NALF1: variants seen among roughly 807,000 people sequenced by gnomAD.
NALF1 encodes NALCN channel auxiliary factor 1.
Under a neutral mutation model 48.4 loss-of-function variants are expected in NALF1, and 3 were observed. The observed-to-expected ratio is 0.06, with a 90% CI of 0.03 to 0.16. The LOEUF (loss-of-function observed/expected upper bound fraction) is 0.16, where lower values mean the gene tolerates loss of function less well. Among genes scored for constraint, NALF1 ranks in the 10% least tolerant of loss-of-function variants. The pLI is 1.00. For missense variants in NALF1, 526 were observed against 571.5 expected (o/e 0.92, Z 0.81); for synonymous variants, 262 against 245.7 (o/e 1.07, Z -0.62).
intron 1 of NALF1, among the ~76,000 whole-genome samples, chr13:107,342,245 A>G (rs1427452691): frequency 1.3e-5 from 2 of 152,232 alleles, no homozygotes; most frequent in Admixed American, 1.3e-4. Flanking sequence ...GAGCTAATGG[A>G]GACAATTCAA....
chr13:107,408,658 A>G (rs1313900988), intron 1 of NALF1, among the ~76,000 whole-genome samples: 3 of 152,116 alleles, frequency 2.0e-5, no homozygotes, highest in African/African-American at 4.8e-5. Flanking sequence ...ACAGATGACA[A>G]TCATCAGCTT....
intron 1 of NALF1, among the ~76,000 whole-genome samples, chr13:107,233,607 A>G (rs756693573): frequency 7.9e-5 from 12 of 152,174 alleles, no homozygotes; most frequent in Admixed American, 2.0e-4. Flanking sequence ...ATTTTGGGGG[A>G]AAAAGAGGAA....
intron 1 of NALF1, among the ~76,000 whole-genome samples, chr13:107,627,139 A>G (rs1209994139): frequency 6.6e-6 from 1 of 152,020 alleles, no homozygotes; most frequent in Non-Finnish European, 1.5e-5. Flanking sequence ...TTCTAACCCA[A>G]TTGATTTAGA....
intron 1 of NALF1, among the ~76,000 whole-genome samples, chr13:107,596,366 G>A (rs116216892): frequency 0.023 from 3,570 of 152,170 alleles, 121 homozygotes; most frequent in African/African-American, 0.079. Flanking sequence ...AAAGACACAC[G>A]CACACATACG....
chr13:107,442,297 C>T lies in NALF1; in HGVS notation c.916-231542G>A, dbSNP rs565256465. On this transcript the variant is annotated intron_variant, in intron 1 of 2. Coordinates refer to ENST00000375915, the MANE Select transcript of NALF1 (RefSeq NM_001080396.3). Reference sequence around the variant, plus strand: ...TTAGAATTCAGACAGTAATTTTGTCCATTTTGTTCACTGCTATATACAAGC... The same window carrying T: ...TTAGAATTCAGACAGTAATTTTGTCTATTTTGTTCACTGCTATATACAAGC... 2.6e-5 allele frequency among the ~76,000 whole-genome samples: 4 copies of T among 152,208 alleles called. No individual in the cohort carries two copies. In the South Asian group the frequency reaches 8.3e-4, roughly 32 times the overall value.
intron 1 of NALF1, among the ~76,000 whole-genome samples, chr13:107,841,906 T>A (rs1880052555): frequency 6.6e-6 from 1 of 151,960 alleles, no homozygotes; most frequent in African/African-American, 2.4e-5. Context: ...CTATATATAA[T>A]TACTATTATT....
chr13:107,579,710 ATG>A (rs1878250258), intron 1 of NALF1, among the ~76,000 whole-genome samples: 1 of 148,926 alleles, frequency 6.7e-6, no homozygotes, highest in African/African-American at 2.5e-5. Context: ...TTTAGGGTAC[ATG>A]TGCACAATGT....
intron 1 of NALF1, among the ~76,000 whole-genome samples, chr13:107,651,517 A>G (rs1880451434): frequency 6.6e-6 from 1 of 152,234 alleles, no homozygotes; most frequent in African/African-American, 2.4e-5. Context: ...TATTAAGATC[A>G]TAATGCTGTT....
Position 107,772,818 on chromosome 13 carries a change from G to T in NALF1, c.915+92864C>A, listed in dbSNP as rs1381636858. Among the ~76,000 whole-genome samples the T allele has an allele frequency of 3.3e-5, 5 of 152,060 alleles. No individual in the cohort carries two copies. In the East Asian group the frequency reaches 7.7e-4, roughly 24 times the overall value. On this transcript the variant is annotated intron_variant, in intron 1 of 2. Coordinates refer to ENST00000375915, the MANE Select transcript of NALF1 (RefSeq NM_001080396.3). ...AGAGAAACACTTATTAAAAATCTCT[G>T]AAAGCAGTTTTCCATGGAACAAGTT...
intron 1 of NALF1, among the ~76,000 whole-genome samples, chr13:107,691,957 C>A (rs981842442): frequency 2.0e-5 from 3 of 152,118 alleles, no homozygotes; most frequent in Non-Finnish European, 2.9e-5. Flanking sequence ...TTCTTTTTAT[C>A]TTAATCTCTG....
At chr13:107,656,118 A>G (rs926243577) in intron 1 of NALF1, among the ~76,000 whole-genome samples, 3 of 151,694 alleles carry the variant, frequency 2.0e-5, no homozygotes, top group Admixed American at 6.6e-5. Flanking sequence ...TTCATGACCA[A>G]CAATCTAAAG....
In NALF1 at chr13:107,328,310, ACACAC is replaced by A. The variant is rs1282390792; in HGVS notation, c.916-117560_916-117556del. On this transcript the variant is annotated intron_variant, in intron 1 of 2. Transcript: ENST00000375915. ...CACACACACACACACACACACACAC[ACACAC>A]TTTTGTTTGGCTCTCACTATTCTGT... Among the ~76,000 whole-genome samples, 5 of 144,606 alleles carry A rather than the reference ACACAC, an allele frequency of 3.5e-5. No individual in the cohort carries two copies. In the East Asian group the frequency reaches 9.9e-4, roughly 29 times the overall value. The allele number at this position is 144,606 out of a possible 152,430, so 94.9% of individuals were successfully genotyped here. A position where few individuals can be genotyped will look rare whatever the true frequency, so the allele number is the denominator to read the frequency against.
At chr13:107,500,557 G>T (rs902611647) in intron 1 of NALF1, among the ~76,000 whole-genome samples, 2 of 150,288 alleles carry the variant, frequency 1.3e-5, no homozygotes, top group Admixed American at 6.6e-5. Context: ...GATTCCTCAG[G>T]GATCTAGAAC....
chr13:107,199,053 T>C (rs1013223575), intron 2 of NALF1, among the ~76,000 whole-genome samples: 14 of 149,078 alleles, frequency 9.4e-5, no homozygotes, highest in South Asian at 2.1e-4. Context: ...ATAGGACAGA[T>C]GTCATTATTG....
At chr13:107,504,872 G>A (rs943796957) in intron 1 of NALF1, among the ~76,000 whole-genome samples, 4 of 152,118 alleles carry the variant, frequency 2.6e-5, no homozygotes, top group Middle Eastern at 3.2e-3. Context: ...CTCCAGACAC[G>A]TCTGTCTACT....
intron 1 of NALF1, among the ~76,000 whole-genome samples, chr13:107,841,482 G>T (rs891508518): frequency 6.6e-6 from 1 of 152,022 alleles, no homozygotes; most frequent in Non-Finnish European, 1.5e-5. Flanking sequence ...GGGGAAAAAA[G>T]GGGGAAATCC....
intron 1 of NALF1, among the ~76,000 whole-genome samples, chr13:107,396,854 A>T (rs1298562132): frequency 6.6e-6 from 1 of 152,198 alleles, no homozygotes; most frequent in Non-Finnish European, 1.5e-5. Context: ...TGAAGATTAC[A>T]AAGTAGAAAA....
rs750302470 is a variant in NALF1, at chr13:107,866,159, G to C, written c.438C>G (p.Asn146Lys). ...GDGGGGGGKG[N>K]RGKDDRGKAL... ...CCTTGCCCCGGTCGTCTTTGCCTCG[G>C]TTGCCCTTGCCGCCGCCGCCGCCGC... Residue 146 changes from asparagine to lysine, a missense_variant, in exon 1 of 3, where the codon AAC becomes AAG. By Grantham distance (94) the Asn-to-Lys change is moderately conservative (BLOSUM62 0). Around this residue, in one of 2 missense-constraint regions of NALF1, gnomAD observed 373 missense variants for 355.5 expected, o/e 1.05. Coordinates refer to ENST00000375915, the MANE Select transcript of NALF1 (RefSeq NM_001080396.3). The surrounding 1 kb of genome is among the most constrained non-coding windows in gnomAD (Gnocchi z 4.4). 1.2e-6 allele frequency: 2 copies of C among 1,607,944 alleles called. No individual in the cohort carries two copies. Among genetic ancestry groups the C allele is most frequent in the South Asian group, 1.1e-5 (1 of 90,598 alleles).
chr13:107,474,785 T>C (rs1027588729), intron 1 of NALF1, among the ~76,000 whole-genome samples: 2 of 152,158 alleles, frequency 1.3e-5, no homozygotes, highest in African/African-American at 4.8e-5. Context: ...TAACAGAAGG[T>C]AGACATTTTT....
Sources: gnomAD v4.1 joint callset for allele counts (sites outside exome capture counted in the v4.1 genomes callset) on GRCh38, gnomAD v4.1.1 for gene constraint, gnomAD v4.1.1 regional missense constraint, Gnocchi (gnomAD v3.1) non-coding constraint, MANE v1.5 for transcripts, NCBI Gene and HGNC (gene_info 2026-07-23, HGNC 2026-07-21) for gene names.